ANKRD36C: variants seen among roughly 807,000 people sequenced by gnomAD.
ANKRD36C encodes ankyrin repeat domain-containing protein 36C.
Under a neutral mutation model 276.4 loss-of-function variants are expected in ANKRD36C, and 61 were observed. The ratio of observed to expected loss-of-function variants is 0.22; its 90% CI spans 0.18 to 0.27. The LOEUF (loss-of-function observed/expected upper bound fraction) is 0.27. Ranked by LOEUF, ANKRD36C falls within the 10% of genes least tolerant of loss-of-function variation. The probability of loss-of-function intolerance (pLI) is 1.00; values close to 1 mark genes in which losing one functional copy is unlikely to be tolerated. For synonymous variants in ANKRD36C, 483 were observed against 680.1 expected (o/e 0.71, Z 4.51); for missense variants, 1,447 against 2,032.3 (o/e 0.71, Z 5.54).
exon 1 of ANKRD36C, chr2:95,991,637 G>C: frequency 6.2e-7 from 1 of 1,614,056 alleles, no homozygotes; most frequent in Non-Finnish European, 8.5e-7. Context: ...TGGGGTATTG[G>C]GGAAATAAGA....
intron 6 of ANKRD36C, 80 bp downstream of exon 6, chr2:95,978,042 C>T (rs1376693242): frequency 1.1e-5 from 5 of 475,676 alleles, no homozygotes; most frequent in Non-Finnish European, 1.9e-5. Context: ...TTTTAAACTG[C>T]TTTTTTGTAA....
chr2:95,882,547 T>C lies in ANKRD36C; in HGVS notation c.3266-50A>G, dbSNP rs539360403. 1.5e-3 allele frequency: 2,250 copies of C among 1,549,166 alleles called. 6 individuals are homozygous for C. Among genetic ancestry groups the C allele is most frequent in the Non-Finnish European group, 1.8e-3 (2,079 of 1,147,954 alleles). ...TCCATCATATGTAAATATGATAAAG[T>C]TATCCATACATTCATGCAGTGTTAG... On this transcript the variant is annotated intron_variant, in intron 54 of 66. Coordinates refer to ENST00000456556, the Ensembl canonical transcript of ANKRD36C.
chr2:95,969,506 G>T (rs1015635861), intron 6 of ANKRD36C, among the ~76,000 whole-genome samples: 13 of 152,088 alleles, frequency 8.5e-5, no homozygotes, highest in African/African-American at 3.1e-4. Context: ...ATCCCAGTCT[G>T]CCCAAGATGT....
intron 5 of ANKRD36C, among the ~76,000 whole-genome samples, chr2:95,980,247 T>C (rs934636498): frequency 5.9e-5 from 9 of 152,088 alleles, no homozygotes; most frequent in African/African-American, 2.2e-4. Context: ...ATGATCAGGC[T>C]ATAGTAGATG....
At chr2:95,944,016 T>C (rs7578652) in intron 19 of ANKRD36C, among the ~76,000 whole-genome samples, 10 of 152,244 alleles carry the variant, frequency 6.6e-5, no homozygotes, top group African/African-American at 2.4e-4. Flanking sequence ...TAAAACAGAA[T>C]GTTAAATATA....
chr2:95,875,065 CT>C lies in ANKRD36C; in HGVS notation c.3540+1373del, dbSNP rs1675912331. On this transcript the variant is annotated intron_variant, in intron 59 of 66. Coordinates refer to ENST00000456556, the Ensembl canonical transcript of ANKRD36C. ...GAGAAGATGTGGAGAAATAGCAACA[CT>C]TTTACACTGTTGGTGGGACTGTAAA... Among the ~76,000 whole-genome samples the C allele has an allele frequency of 2.6e-5, 4 of 152,276 alleles. No homozygotes were observed. In the South Asian group the frequency reaches 8.3e-4, roughly 32 times the overall value.
intron 60 of ANKRD36C, among the ~76,000 whole-genome samples, chr2:95,864,669 G>A (rs1378955872): frequency 6.6e-6 from 1 of 152,042 alleles, no homozygotes; most frequent in Non-Finnish European, 1.5e-5. Flanking sequence ...CCCAACCTGT[G>A]GGCCAGCTTC....
chr2:95,952,765 G>T (rs1313135190), intron 14 of ANKRD36C, among the ~76,000 whole-genome samples: 1 of 152,290 alleles, frequency 6.6e-6, no homozygotes, highest in South Asian at 2.1e-4. Context: ...GATATGTCAT[G>T]CATATTAGGT....
intron 6 of ANKRD36C, among the ~76,000 whole-genome samples, chr2:95,974,840 T>C (rs1332825821): frequency 7.7e-6 from 1 of 129,098 alleles, no homozygotes; most frequent in Non-Finnish European, 1.6e-5. Context: ...TGTGTGATGT[T>C]CCCCTTCCTG....
chr2:95,925,471 A>G (rs1190086051), intron 29 of ANKRD36C, 47 bp from the exon 30 acceptor site: 1 of 1,547,460 alleles, frequency 6.5e-7, no homozygotes, highest in Admixed American at 1.9e-5. Flanking sequence ...TATATATTTC[A>G]TAGGCTATGT....
chr2:95,860,754 G>C lies in ANKRD36C; in HGVS notation c.3683-680C>G, dbSNP rs12620474. 1.4e-3 allele frequency among the ~76,000 whole-genome samples: 206 copies of C among 152,242 alleles called. 9 individuals are homozygous for C. In the East Asian group the frequency reaches 0.036, roughly 26 times the overall value. On this transcript the variant is annotated intron_variant, in intron 60 of 66. Transcript: ENST00000456556. ...TGACAAAGGGAGAAAATCTGACATA[G>C]AGCTGGGGTGATGAAGCTGAGAGGC... is the stretch of plus-strand genomic sequence containing the variant.
At chr2:95,981,061 T>A (rs1558664016) in intron 4 of ANKRD36C, among the ~76,000 whole-genome samples, 1 of 152,078 alleles carries the variant, frequency 6.6e-6, no homozygotes, top group Non-Finnish European at 1.5e-5. Flanking sequence ...TCAGGCCACC[T>A]ATCTACAGTA....
intron 26 of ANKRD36C, among the ~76,000 whole-genome samples, chr2:95,927,653 A>G (rs2104435111): frequency 6.6e-6 from 1 of 151,774 alleles, no homozygotes; most frequent in South Asian, 2.1e-4. Context: ...GTCTAAAACT[A>G]AAATAAAACC....
chr2:95,921,862 T>C (rs1490355864), intron 32 of ANKRD36C, 52 bp from the exon 33 acceptor site: 8 of 1,545,872 alleles, frequency 5.2e-6, no homozygotes, highest in South Asian at 3.6e-5. Flanking sequence ...ACATTTTCCA[T>C]ACATTCATGC....
intron 52 of ANKRD36C, among the ~76,000 whole-genome samples, chr2:95,884,591 T>C (rs545806839): frequency 3.3e-5 from 5 of 152,152 alleles, no homozygotes; most frequent in Admixed American, 6.6e-5. Flanking sequence ...ATGGTATGAT[T>C]TGTCATATGT....
chr2:95,869,620 G>T (rs1675757266), intron 59 of ANKRD36C, among the ~76,000 whole-genome samples: 1 of 152,220 alleles, frequency 6.6e-6, no homozygotes, highest in Non-Finnish European at 1.5e-5. Context: ...TCCATCTGAG[G>T]TACCAGGTTC....
intron 42 of ANKRD36C, among the ~76,000 whole-genome samples, chr2:95,911,310 A>C (rs910039529): frequency 1.3e-5 from 2 of 151,524 alleles, no homozygotes; most frequent in South Asian, 2.1e-4. Context: ...AAAATGCTAC[A>C]AGCATTAGAT....
intron 44 of ANKRD36C, 75 bp from the exon 63 acceptor site, chr2:95,893,799 G>C (rs1376102372): frequency 6.3e-7 from 1 of 1,596,722 alleles, no homozygotes; most frequent in South Asian, 1.1e-5. Context: ...TGCAGAGTTA[G>C]CATCAAACTC....
At chr2:95,889,448 C>T (rs1676281638) in intron 48 of ANKRD36C, among the ~76,000 whole-genome samples, 1 of 151,446 alleles carries the variant, frequency 6.6e-6, no homozygotes, top group African/African-American at 2.4e-5. Flanking sequence ...ACAATACAAT[C>T]TGACGCCTCT....
Sources: allele counts gnomAD v4.1 joint callset (sites outside exome capture counted in the v4.1 genomes callset), GRCh38; gene constraint gnomAD v4.1.1; transcripts MANE v1.5; gene names NCBI Gene and HGNC (gene_info 2026-07-23, HGNC 2026-07-21).